Variants in MED12L observed in about 807,000 individuals in gnomAD.
MED12L encodes the protein mediator of RNA polymerase II transcription subunit 12-like protein.
In MED12L, 60 loss-of-function variants were observed where a neutral mutation model predicts 281.3. That is an observed-to-expected ratio of 0.21 (90% CI 0.17 to 0.26). MED12L has a LOEUF of 0.26. Ranked by LOEUF, MED12L falls within the 10% of genes least tolerant of loss-of-function variation. MED12L has a pLI of 1.00. For synonymous variants in MED12L, 974 were observed against 987.2 expected (o/e 0.99, Z 0.25); for missense variants, 2,146 against 2,680.9 (o/e 0.80, Z 4.41).
chr3:151,259,431 T>G (rs1738456606), intron 16 of MED12L, among the ~76,000 whole-genome samples: 1 of 152,212 alleles, frequency 6.6e-6, no homozygotes, highest in Non-Finnish European at 1.5e-5. Flanking sequence ...GTCTTCTAAC[T>G]TATTAGTCAA....
intron 16 of MED12L, among the ~76,000 whole-genome samples, chr3:151,250,370 T>C (rs1736602763): frequency 6.6e-6 from 1 of 152,228 alleles, no homozygotes. Context: ...ATCATCACCA[T>C]GCATCTCTAG....
rs1386392191 is a variant in MED12L at position 151,435,744 on chromosome 3, A to T, written c.*2940A>T. 1 of 152,218 alleles carries T rather than the reference A, an allele frequency of 6.6e-6. No homozygotes were observed. Among genetic ancestry groups the T allele is most frequent in the African/African-American group, 2.4e-5 (1 of 41,462 alleles). The allele number at this position is 152,218 out of a possible 1,614,324, so 9.4% of individuals were successfully genotyped here. On this transcript the variant is annotated 3_prime_UTR_variant, in exon 45 of 45. Transcript: ENST00000687756. The stretch of plus-strand genomic sequence containing the variant: ...TCCCCAAATTAATTCAGGTTGAATT[A>T]AGCATGTAATATAAATTCAGTGAAT...
chr3:151,123,397 A>G (rs545590047), intron 4 of MED12L, among the ~76,000 whole-genome samples: 2 of 152,352 alleles, frequency 1.3e-5, no homozygotes, highest in South Asian at 4.1e-4. Context: ...CTACCAAGCA[A>G]GATAAAGATT....
chr3:151,164,811 A>T (rs112015605), intron 9 of MED12L, among the ~76,000 whole-genome samples: 4 of 149,458 alleles, frequency 2.7e-5, no homozygotes, highest in Non-Finnish European at 4.5e-5. Flanking sequence ...GTGAGAACAC[A>T]TGGACACAGG....
chr3:151,283,421 T>A (rs1023135627), intron 16 of MED12L, among the ~76,000 whole-genome samples: 1 of 152,028 alleles, frequency 6.6e-6, no homozygotes, highest in African/African-American at 2.4e-5. Flanking sequence ...CTTTTCAGTA[T>A]TTTTTTTGGA....
intron 30 of MED12L, among the ~76,000 whole-genome samples, chr3:151,377,465 G>A (rs554288867): frequency 6.6e-6 from 1 of 152,228 alleles, no homozygotes; most frequent in South Asian, 2.1e-4. Context: ...CATTATATGG[G>A]AAACGCTTTT....
chr3:151,214,068 G>A (rs1183035961), intron 16 of MED12L: 1 of 1,613,984 alleles, frequency 6.2e-7, no homozygotes, highest in East Asian at 2.2e-5. Context: ...AGGGACCAAG[G>A]CCTGAGTCAC....
At chr3:151,214,205 G>A (rs1185967929) in intron 16 of MED12L, 1 of 1,613,882 alleles carries the variant, frequency 6.2e-7, no homozygotes, top group Admixed American at 1.7e-5. Context: ...CCATTGAGTA[G>A]GATTCCTGCA....
intron 39 of MED12L, among the ~76,000 whole-genome samples, chr3:151,401,044 G>A (rs912988483): frequency 2.2e-4 from 34 of 151,942 alleles, no homozygotes; most frequent in East Asian, 1.9e-4. Flanking sequence ...TAATCTATAC[G>A]TTTGCATCCA....
At position 151,165,469 on chromosome 3, in the gene MED12L, G is replaced by C; in HGVS notation, c.1307G>C (p.Arg436Pro). The C allele has an allele frequency of 6.2e-7, 1 of 1,614,028 alleles. No homozygotes were observed. The highest frequency in any genetic ancestry group is 8.5e-7 in the Non-Finnish European group (1 of 1,179,908). Residue 436 changes from arginine (R) to proline (P), a missense_variant, in exon 10 of 45, where the codon CGT becomes CCT. Arg to Pro is a moderately radical substitution (Grantham distance 103, BLOSUM62 -2). Transcript: ENST00000687756. Reference protein sequence around the residue: ...EVEQQIKQRGRAVEVRWSFDK... With the variant: ...EVEQQIKQRGPAVEVRWSFDK... The stretch of plus-strand genomic sequence containing the variant: ...GAACAACAGATAAAACAAAGAGGCC[G>C]TGCAGTGGAAGTTCGGTGGTCATTT...
Position 151,436,450 on chromosome 3 carries a change from G to T in MED12L, c.*3646G>T. ...TGAACCGTTTCAATGTTTGTTTATT[G>T]TTATTTGTTGGCAAAATAAAAGTGC... On this transcript the variant is annotated 3_prime_UTR_variant, in exon 45 of 45. Transcript: ENST00000687756. 2.6e-6 allele frequency: 1 copy of T among 385,614 alleles called. No homozygotes were observed. The highest frequency in any genetic ancestry group is 4.6e-6 in the Non-Finnish European group (1 of 216,430). The allele number at this position is 385,614 out of a possible 1,614,324, so 23.9% of individuals were successfully genotyped here. A position where few individuals can be genotyped will look rare whatever the true frequency, so the allele number is the denominator to read the frequency against.
At chr3:151,166,520 A>T (rs559006848) in intron 11 of MED12L, among the ~76,000 whole-genome samples, 1 of 151,944 alleles carries the variant, frequency 6.6e-6, no homozygotes, top group East Asian at 1.9e-4. Context: ...GAGAAAAGAG[A>T]GGGGTATTTA....
chr3:151,105,140 A>C lies in MED12L; in HGVS notation c.100-11198A>C, dbSNP rs76485562. The stretch of plus-strand genomic sequence containing the variant: ...CTCCTGAGTTGGTCTGGTACTAGCT[A>C]TTGCCTTCTAGGGCCTGGGTTGGCA... On this transcript the variant is annotated intron_variant, in intron 2 of 44. Coordinates refer to ENST00000687756, the MANE Select transcript of MED12L (RefSeq NM_001393769.1). 6.9e-3 allele frequency among the ~76,000 whole-genome samples: 1,047 copies of C among 152,188 alleles called. 7 individuals carry two copies. Among genetic ancestry groups the C allele is most frequent in the Non-Finnish European group, 0.012 (790 of 67,992 alleles).
chr3:151,104,993 T>A (rs886076542), intron 2 of MED12L, among the ~76,000 whole-genome samples: 6 of 152,164 alleles, frequency 3.9e-5, no homozygotes, highest in Non-Finnish European at 7.4e-5. Flanking sequence ...AAACCCTATT[T>A]CCAAAGAATG....
intron 21 of MED12L, among the ~76,000 whole-genome samples, chr3:151,363,144 A>G (rs1754827670): frequency 6.6e-6 from 1 of 152,092 alleles, no homozygotes; most frequent in Non-Finnish European, 1.5e-5. Flanking sequence ...TGAATAGAGT[A>G]ATTACTCAGG....
At chr3:151,414,052 A>T (rs1276130621) in intron 42 of MED12L, among the ~76,000 whole-genome samples, 2 of 152,020 alleles carry the variant, frequency 1.3e-5, no homozygotes, top group Non-Finnish European at 2.9e-5. Context: ...GGTTTTTGCC[A>T]TGTTGGCCAG....
At chr3:151,403,757 T>G (rs1478579620) in intron 39 of MED12L, among the ~76,000 whole-genome samples, 1 of 152,244 alleles carries the variant, frequency 6.6e-6, no homozygotes, top group Non-Finnish European at 1.5e-5. Flanking sequence ...CACTGCCATT[T>G]TAATGGGTAA....
At chr3:151,315,462 C>G (rs1163723089) in intron 16 of MED12L, among the ~76,000 whole-genome samples, 4 of 152,146 alleles carry the variant, frequency 2.6e-5, no homozygotes, top group Non-Finnish European at 4.4e-5. Flanking sequence ...GGGATACTTT[C>G]TTTTTATAGG....
intron 16 of MED12L, among the ~76,000 whole-genome samples, chr3:151,334,696 C>T (rs1388015149): frequency 6.6e-6 from 1 of 152,064 alleles, no homozygotes; most frequent in African/African-American, 2.4e-5. Flanking sequence ...GACAGGGCTT[C>T]ACCATGTTGG....
Sources: allele counts gnomAD v4.1 joint callset (sites outside exome capture counted in the v4.1 genomes callset), GRCh38; gene constraint gnomAD v4.1.1; transcripts MANE v1.5; gene names NCBI Gene and HGNC (gene_info 2026-07-23, HGNC 2026-07-21).